Variants in SNTG1 observed in about 807,000 individuals in gnomAD.
SNTG1 encodes syntrophin gamma 1.
SNTG1 carries 39 observed loss-of-function variants against 74.7 expected under a neutral mutation model. That is an observed-to-expected ratio of 0.52 (90% confidence interval 0.40 to 0.68). SNTG1 has a LOEUF of 0.68. Ranked by LOEUF, SNTG1 falls within the 30% of genes least tolerant of loss-of-function variation. The pLI is 0.00. For missense variants in SNTG1, 685 were observed against 609.5 expected (o/e 1.12, Z -1.30); for synonymous variants, 254 against 217.1 (o/e 1.17, Z -1.49).
At chr8:50,098,463 A>C (rs377752666) in intron 1 of SNTG1, among the ~76,000 whole-genome samples, 22 of 151,986 alleles carry the variant, frequency 1.4e-4, no homozygotes, top group African/African-American at 4.6e-4. Flanking sequence ...TAGGATTTTC[A>C]TTGCATTTGG....
intron 1 of SNTG1, among the ~76,000 whole-genome samples, chr8:50,041,708 C>T (rs1818657339): frequency 6.6e-6 from 1 of 152,124 alleles, no homozygotes; most frequent in South Asian, 2.1e-4. Context: ...CGACAACATC[C>T]CCTTTTGATT....
chr8:50,577,833 T>C (rs1408113056), intron 12 of SNTG1, among the ~76,000 whole-genome samples: 1 of 152,128 alleles, frequency 6.6e-6, no homozygotes, highest in Non-Finnish European at 1.5e-5. Context: ...CTACAAGATG[T>C]TGAGATTATA....
intron 13 of SNTG1, among the ~76,000 whole-genome samples, chr8:50,637,143 C>G (rs2095044304): frequency 6.6e-6 from 1 of 152,170 alleles, no homozygotes; most frequent in African/African-American, 2.4e-5. Context: ...AAGCATGAGA[C>G]ATGTAGTACC....
chr8:50,429,778 C>T (rs916902373), intron 4 of SNTG1, among the ~76,000 whole-genome samples: 4 of 151,950 alleles, frequency 2.6e-5, no homozygotes, highest in East Asian at 1.9e-4. Context: ...AAAAAGTTCT[C>T]GCAACTCAAT....
intron 13 of SNTG1, 76 bp from the exon 14 acceptor site, chr8:50,656,833 G>A: frequency 1.1e-6 from 1 of 898,150 alleles, no homozygotes; most frequent in Admixed American, 2.3e-5. Flanking sequence ...TTTAATATTT[G>A]CATCTAAATA....
At chr8:50,746,601 A>G (rs1406823756) in intron 17 of SNTG1, among the ~76,000 whole-genome samples, 1 of 151,900 alleles carries the variant, frequency 6.6e-6, no homozygotes, top group Non-Finnish European at 1.5e-5. Context: ...ACATGACACC[A>G]TAACAGAAAA....
chr8:49,926,219 A>G (rs932466390), intron 1 of SNTG1, among the ~76,000 whole-genome samples: 1 of 152,166 alleles, frequency 6.6e-6, no homozygotes, highest in Non-Finnish European at 1.5e-5. Context: ...GGTTCTAGGT[A>G]ATGTCATATT....
intron 1 of SNTG1, among the ~76,000 whole-genome samples, chr8:50,086,203 G>A (rs2131116029): frequency 6.6e-6 from 1 of 152,270 alleles, no homozygotes; most frequent in South Asian, 2.1e-4. Flanking sequence ...TGATGTTTGA[G>A]TTATATCTTA....
chr8:50,330,676 G>A (rs1473491304), intron 2 of SNTG1, among the ~76,000 whole-genome samples: 1 of 152,130 alleles, frequency 6.6e-6, no homozygotes, highest in African/African-American at 2.4e-5. Flanking sequence ...AAGGAAAGAG[G>A]TTTCATTGAC....
chr8:50,628,091 C>A (rs1282511457), intron 13 of SNTG1, among the ~76,000 whole-genome samples: 1 of 152,092 alleles, frequency 6.6e-6, no homozygotes, highest in African/African-American at 2.4e-5. Context: ...CTCATGGAAA[C>A]AAAGATCAAA....
At chr8:50,392,096 A>T (rs1167596021) in intron 2 of SNTG1, among the ~76,000 whole-genome samples, 1 of 152,186 alleles carries the variant, frequency 6.6e-6, no homozygotes, top group Non-Finnish European at 1.5e-5. Flanking sequence ...GAAAACACAG[A>T]TGAAGTTTAA....
At chr8:50,116,114 A>G (rs1295407614) in intron 1 of SNTG1, among the ~76,000 whole-genome samples, 6 of 152,142 alleles carry the variant, frequency 3.9e-5, no homozygotes, top group Non-Finnish European at 7.4e-5. Context: ...AATGTGCACC[A>G]TTTTTATTTC....
chr8:50,253,497 T>C (rs1169950497), intron 2 of SNTG1, among the ~76,000 whole-genome samples: 1 of 152,072 alleles, frequency 6.6e-6, no homozygotes, highest in Non-Finnish European at 1.5e-5. Flanking sequence ...CCAAGGGAAA[T>C]GAAATTGGTA....
At chr8:50,155,526 C>T (rs1332895955) in intron 1 of SNTG1, among the ~76,000 whole-genome samples, 2 of 151,814 alleles carry the variant, frequency 1.3e-5, no homozygotes, top group Non-Finnish European at 2.9e-5. Context: ...TATGACACTA[C>T]AGAATTAAAT....
At chr8:50,759,660 GATATATATATATATTGGTACCATTGGT>G (rs1563813745) in intron 18 of SNTG1, among the ~76,000 whole-genome samples, 9 of 150,302 alleles carry the variant, frequency 6.0e-5, no homozygotes. Flanking sequence ...CTGTTCCATT[GATATATATATATATTGGTACCATTGGT>G]ATATATATGT....
chr8:50,297,592 C>T (rs1184730594), intron 2 of SNTG1, among the ~76,000 whole-genome samples: 1 of 152,076 alleles, frequency 6.6e-6, no homozygotes, highest in East Asian at 1.9e-4. Flanking sequence ...CCAGATGGCC[C>T]CTAAGTGCCT....
At chr8:50,583,640 T>A (rs1388170348) in intron 12 of SNTG1, among the ~76,000 whole-genome samples, 1 of 152,020 alleles carries the variant, frequency 6.6e-6, no homozygotes, top group East Asian at 1.9e-4. Flanking sequence ...TTTTCTTTTT[T>A]GCTGGAAGTC....
chr8:50,708,484 A>G (rs1563769640), intron 16 of SNTG1: 1 of 164,160 alleles, frequency 6.1e-6, no homozygotes, highest in Non-Finnish European at 1.3e-5. Context: ...AGACAGTGCT[A>G]TTTAACAATA....
intron 13 of SNTG1, among the ~76,000 whole-genome samples, chr8:50,599,436 G>A (rs2094756542): frequency 6.6e-6 from 1 of 152,050 alleles, no homozygotes; most frequent in South Asian, 2.1e-4. Flanking sequence ...CATTGAGTCT[G>A]TAGATTGCTT....
Sources: allele counts gnomAD v4.1 joint callset (sites outside exome capture counted in the v4.1 genomes callset), GRCh38; gene constraint gnomAD v4.1.1; transcripts MANE v1.5; gene names NCBI Gene and HGNC (gene_info 2026-07-23, HGNC 2026-07-21).